Variants in TPD52 observed in about 807,000 individuals in gnomAD.
The protein encoded by TPD52 is tumor protein D52, also known as prostate and colon associated protein.
TPD52 carries 17 observed loss-of-function variants against 31.3 expected under a neutral mutation model. The observed-to-expected ratio is 0.54, with a 90% CI of 0.37 to 0.82. The LOEUF (loss-of-function observed/expected upper bound fraction) is 0.82, where lower values mean the gene tolerates loss of function less well. TPD52 is among the 40% of genes least tolerant of loss of function. TPD52 has a pLI of 0.00. For missense variants in TPD52, 212 were observed against 240.1 expected (o/e 0.88, Z 0.77); for synonymous variants, 83 against 89.6 (o/e 0.93, Z 0.42).
Position 80,058,897 on chromosome 8 carries a change from G to A in TPD52, c.136-5467C>T, listed in dbSNP as rs1179462525. ...CCACCTTGTTTATAAAACTTTGGGC[G>A]AAAAAATGAGTAGTACAAACAGACA... On this transcript the variant is annotated intron_variant, in intron 2 of 7. Coordinates refer to ENST00000518937, the MANE Select transcript of TPD52 (RefSeq NM_001025253.3). 3.3e-5 allele frequency among the ~76,000 whole-genome samples: 5 copies of A among 152,190 alleles called. No homozygotes were observed. In the East Asian group the frequency reaches 9.6e-4, roughly 29 times the overall value.
intron 1 of TPD52, among the ~76,000 whole-genome samples, chr8:80,091,074 A>T (rs1816219855): frequency 6.6e-6 from 1 of 152,206 alleles, no homozygotes. Flanking sequence ...ATCTCCAAAC[A>T]TGTCGTCTGG....
chr8:80,105,297 A>G (rs1306942803), intron 1 of TPD52, among the ~76,000 whole-genome samples: 2 of 152,206 alleles, frequency 1.3e-5, no homozygotes, highest in African/African-American at 4.8e-5. Flanking sequence ...CAGACAGCCC[A>G]GCACCACACC....
At chr8:80,110,592 G>GA (rs58385552) in intron 1 of TPD52, among the ~76,000 whole-genome samples, 61,764 of 141,544 alleles carry the variant, frequency 0.44, 13,639 homozygotes, top group East Asian at 0.79. Flanking sequence ...ATAAATAAAT[G>GA]AAAAAAAAAA....
chr8:80,068,671 A>T (rs1813426528), intron 1 of TPD52, among the ~76,000 whole-genome samples: 1 of 152,182 alleles, frequency 6.6e-6, no homozygotes, highest in South Asian at 2.1e-4. Context: ...AAGTCCTTCC[A>T]GCAAGCTGGG....
At chr8:80,119,754 T>A (rs1808122758) in intron 1 of TPD52, 3 of 314,878 alleles carry the variant, frequency 9.5e-6, no homozygotes, top group South Asian at 8.0e-5. Flanking sequence ...ACAAAACATT[T>A]GAAACAAGTC....
intron 1 of TPD52, among the ~76,000 whole-genome samples, chr8:80,072,370 CAT>C (rs1313289770): frequency 1.9e-5 from 2 of 107,334 alleles, no homozygotes; most frequent in African/African-American, 6.9e-5. Flanking sequence ...TACATGTACA[CAT>C]AGATATGCGT....
chr8:80,098,911 T>C (rs1210458297), intron 1 of TPD52, among the ~76,000 whole-genome samples: 4 of 152,288 alleles, frequency 2.6e-5, no homozygotes, highest in African/African-American at 9.6e-5. Flanking sequence ...GCCATTCTCA[T>C]TGAGGCAAGA....
Position 80,044,267 on chromosome 8 carries a change from T to G in TPD52, c.414-59A>C, listed in dbSNP as rs1351387157. The G allele has an allele frequency of 7.3e-6, 10 of 1,377,078 alleles. No individual in the cohort carries two copies. The East Asian group carries it at 1.4e-4, about 19-fold the overall frequency. The allele number at this position is 1,377,078 out of a possible 1,614,324, so 85.3% of individuals were successfully genotyped here. A position where few individuals can be genotyped will look rare whatever the true frequency, so the allele number is the denominator to read the frequency against. On this transcript the variant is annotated intron_variant, in intron 5 of 7. Transcript: ENST00000518937. ...GGTTAGTATAGTGGTGCTTCAACAT[T>G]ATTAAAAGCTGACAAAACTTAGCTC...
chr8:80,059,132 CTG>C (rs2130624181), intron 2 of TPD52, among the ~76,000 whole-genome samples: 1 of 152,192 alleles, frequency 6.6e-6, no homozygotes, highest in Admixed American at 6.5e-5. Flanking sequence ...CACCATGAAA[CTG>C]GAAATCAAAA....
intron 7 of TPD52, among the ~76,000 whole-genome samples, chr8:80,038,807 A>C (rs1810107693): frequency 6.6e-6 from 1 of 152,230 alleles, no homozygotes; most frequent in South Asian, 2.1e-4. Flanking sequence ...ACAGAATTGA[A>C]ATCAACACTT....
rs538900237 is a variant in TPD52, at chr8:80,104,028, A to G, written c.20-39435T>C. ...AGCCAAGGACCACGTGTCCCTGAGA[A>G]CCTAAACATCCTGGGGCATAGCTGG... On this transcript the variant is annotated intron_variant, in intron 1 of 7. Transcript: ENST00000518937. 2.6e-5 allele frequency among the ~76,000 whole-genome samples: 4 copies of G among 152,308 alleles called. No homozygotes were observed. The South Asian group carries it at 8.3e-4, about 32-fold the overall frequency.
chr8:80,105,640 C>T (rs568633162), intron 1 of TPD52, among the ~76,000 whole-genome samples: 9 of 151,874 alleles, frequency 5.9e-5, no homozygotes, highest in South Asian at 4.2e-4. Context: ...GTTTTGTCTG[C>T]GGCTCGTCCT....
At chr8:80,087,463 C>A (rs1815899949) in intron 1 of TPD52, among the ~76,000 whole-genome samples, 1 of 152,214 alleles carries the variant, frequency 6.6e-6, no homozygotes, top group Non-Finnish European at 1.5e-5. Flanking sequence ...TTCTTGCAAT[C>A]CTTCTGTAAA....
intron 6 of TPD52, among the ~76,000 whole-genome samples, chr8:80,043,628 A>T (rs1255449118): frequency 6.6e-6 from 1 of 152,160 alleles, no homozygotes; most frequent in Admixed American, 6.5e-5. Flanking sequence ...GCGGTTTCAC[A>T]AGCACTCCAA....
chr8:80,164,575 TC>T (rs2131271066), intron 1 of TPD52, among the ~76,000 whole-genome samples: 1 of 152,122 alleles, frequency 6.6e-6, no homozygotes, highest in African/African-American at 2.4e-5. Context: ...AAAGCTAGAA[TC>T]CATAAATGAA....
intron 1 of TPD52, among the ~76,000 whole-genome samples, chr8:80,129,958 A>G (rs1232122645): frequency 6.6e-6 from 1 of 152,206 alleles, no homozygotes; most frequent in African/African-American, 2.4e-5. Context: ...TTGGCCTCCC[A>G]AAGTGCTGGG....
At chr8:80,031,388 C>G (rs752074949), downstream of TPD52, among the ~76,000 whole-genome samples, 1 of 152,216 alleles carries the variant, frequency 6.6e-6, no homozygotes, top group Non-Finnish European at 1.5e-5. Flanking sequence ...GTAGTCCTTA[C>G]AAATTCATTA....
chr8:80,087,405 A>G (rs945462923), intron 1 of TPD52, among the ~76,000 whole-genome samples: 1 of 152,218 alleles, frequency 6.6e-6, no homozygotes, highest in African/African-American at 2.4e-5. Flanking sequence ...GCTGGAAGCC[A>G]TTATCTTCAG....
At chr8:80,137,624 A>G (rs751412313) in intron 1 of TPD52, among the ~76,000 whole-genome samples, 2 of 152,216 alleles carry the variant, frequency 1.3e-5, no homozygotes, top group Non-Finnish European at 2.9e-5. Context: ...TTAATTGCAT[A>G]CTGTTTGGAT....
Sources: allele counts gnomAD v4.1 joint callset (sites outside exome capture counted in the v4.1 genomes callset), GRCh38; gene constraint gnomAD v4.1.1; transcripts MANE v1.5; gene names NCBI Gene and HGNC (gene_info 2026-07-23, HGNC 2026-07-21).